The following ANKRD28 variants were observed in gnomAD, a reference collection of about 807,000 sequenced individuals.
ANKRD28 encodes the protein ankyrin repeat domain 28, also known as serine/threonine-protein phosphatase 6 regulatory ankyrin repeat subunit A.
Under a neutral mutation model 126.5 loss-of-function variants are expected in ANKRD28, and 44 were observed. The observed-to-expected ratio is 0.35, with a 90% confidence interval of 0.27 to 0.45. ANKRD28 has a LOEUF of 0.45. ANKRD28 is among the 20% of genes least tolerant of loss of function. ANKRD28 has a pLI of 1.00. For missense variants in ANKRD28, 1,110 were observed against 1,316.6 expected (o/e 0.84, Z 2.43); for synonymous variants, 442 against 468.5 (o/e 0.94, Z 0.73).
intron 14 of ANKRD28, among the ~76,000 whole-genome samples, 157 bp from the exon 15 acceptor site, chr3:15,696,402 C>G (rs1382813384): frequency 6.6e-6 from 1 of 152,070 alleles, no homozygotes; most frequent in East Asian, 1.9e-4. Flanking sequence ...TTAAATGACA[C>G]TGACTAAAGT....
chr3:15,768,465 A>G (rs973580144), intron 2 of ANKRD28, among the ~76,000 whole-genome samples: 3 of 152,114 alleles, frequency 2.0e-5, no homozygotes, highest in Non-Finnish European at 2.9e-5. Flanking sequence ...TGGGCAATAT[A>G]GTGAGACCTC....
At chr3:15,834,600 C>T (rs1293434592) in intron 1 of ANKRD28, among the ~76,000 whole-genome samples, 2 of 152,064 alleles carry the variant, frequency 1.3e-5, no homozygotes, top group African/African-American at 4.8e-5. Flanking sequence ...AGCTAATCAT[C>T]ATAAGGATTG....
chr3:15,769,356 G>T (rs1292442932), intron 2 of ANKRD28, among the ~76,000 whole-genome samples: 1 of 152,100 alleles, frequency 6.6e-6, no homozygotes, highest in East Asian at 1.9e-4. Flanking sequence ...TGAAAATTAG[G>T]TAATAAAATA....
At chr3:15,750,956 A>G (rs1261396843) in intron 4 of ANKRD28, among the ~76,000 whole-genome samples, 4 of 152,180 alleles carry the variant, frequency 2.6e-5, no homozygotes, top group Non-Finnish European at 4.4e-5. Context: ...ACTACTGTAA[A>G]GTAGGTAAAA....
intron 27 of ANKRD28, among the ~76,000 whole-genome samples, chr3:15,672,787 A>T (rs1372349626): frequency 1.3e-5 from 2 of 151,762 alleles, no homozygotes; most frequent in Non-Finnish European, 2.9e-5. Context: ...CATGGGGGTT[A>T]TTTTTTGAGA....
chr3:15,710,754 T>G (rs1439267633), intron 12 of ANKRD28, among the ~76,000 whole-genome samples: 1 of 152,104 alleles, frequency 6.6e-6, no homozygotes, highest in Non-Finnish European at 1.5e-5. Context: ...ATTTAAAACT[T>G]AGTCCAAAAT....
rs1284218091 is a variant in ANKRD28, at chr3:15,854,952, G to A, written c.27+4425C>T. Among the ~76,000 whole-genome samples the A allele has an allele frequency of 6.6e-6, 1 of 152,194 alleles. No homozygotes were observed. The highest frequency in any genetic ancestry group is 2.4e-5 in the African/African-American group (1 of 41,452). The stretch of plus-strand genomic sequence containing the variant: ...TAGTCCCAGCTACTAGGGAGGCTGA[G>A]GCAGGAGAATTGCTTGAACTAGGGA... On this transcript the variant is annotated intron_variant, in intron 1 of 27. Coordinates refer to the ANKRD28 transcript ENST00000399451. This position sits in a 1 kb window ranked among gnomAD's most constrained non-coding sequence, Gnocchi z 4.1.
At chr3:15,733,164 CAAACAA>C (rs1252016934) in intron 6 of ANKRD28, 2 of 152,138 alleles carry the variant, frequency 1.3e-5, no homozygotes, top group Admixed American at 6.6e-5. Context: ...GACTCTGTCT[CAAACAA>C]AAACAAAAAC....
chr3:15,691,332 C>A (rs1448991762), intron 17 of ANKRD28, among the ~76,000 whole-genome samples: 1 of 152,048 alleles, frequency 6.6e-6, no homozygotes, highest in East Asian at 1.9e-4. Flanking sequence ...ACCATGTTGG[C>A]CAGGATGGTC....
chr3:15,713,674 C>T, intron 9 of ANKRD28, 33 bp from the exon 10 acceptor site: 9 of 1,428,862 alleles, frequency 6.3e-6, no homozygotes, highest in Non-Finnish European at 7.7e-6. Context: ...AGACACTGGA[C>T]CATATAAAGA....
At chr3:15,811,814 T>C (rs1449728870) in intron 1 of ANKRD28, among the ~76,000 whole-genome samples, 3 of 152,014 alleles carry the variant, frequency 2.0e-5, no homozygotes, top group Non-Finnish European at 4.4e-5. Context: ...TGGTTTTCTA[T>C]AGATGCCATG....
At chr3:15,790,758 T>A (rs974622487) in intron 2 of ANKRD28, among the ~76,000 whole-genome samples, 1 of 152,088 alleles carries the variant, frequency 6.6e-6, no homozygotes, top group African/African-American at 2.4e-5. Flanking sequence ...TCACCACTGT[T>A]ATTTAACATA....
intron 6 of ANKRD28, chr3:15,732,773 T>TC (rs1401773342): frequency 6.6e-6 from 1 of 152,224 alleles, no homozygotes; most frequent in Non-Finnish European, 1.5e-5. Context: ...GCACGTTTTT[T>TC]CCCATTTGAG....
chr3:15,709,603 G>T, intron 13 of ANKRD28, 65 bp downstream of exon 13: 1 of 1,133,156 alleles, frequency 8.8e-7, no homozygotes, highest in Non-Finnish European at 1.3e-6. Flanking sequence ...TCAGAAGCCA[G>T]TTAGAAGGTC....
chr3:15,760,697 G>A (rs4287900), intron 3 of ANKRD28, among the ~76,000 whole-genome samples: 1 of 152,176 alleles, frequency 6.6e-6, no homozygotes, highest in Non-Finnish European at 1.5e-5. Context: ...ACAATGTAGA[G>A]AGACTATGAG....
intron 3 of ANKRD28, among the ~76,000 whole-genome samples, chr3:15,758,897 T>C (rs2058309525): frequency 6.6e-6 from 1 of 152,188 alleles, no homozygotes; most frequent in Non-Finnish European, 1.5e-5. Flanking sequence ...GTATTTTTTA[T>C]AAAAGGCCAA....
At chr3:15,683,105 T>C (rs2067711400) in intron 21 of ANKRD28, among the ~76,000 whole-genome samples, 1 of 152,160 alleles carries the variant, frequency 6.6e-6, no homozygotes, top group Non-Finnish European at 1.5e-5. Flanking sequence ...CAAAGGACAG[T>C]TACAGCAGTA....
At position 15,796,645 on chromosome 3, in the gene ANKRD28, T is replaced by TTA; in HGVS notation, c.-125_-124insTA. 1 of 893,602 alleles carries TTA rather than the reference T, an allele frequency of 1.1e-6. No homozygotes were observed. Among genetic ancestry groups the TTA allele is most frequent in the Non-Finnish European group, 1.3e-6 (1 of 768,036 alleles). 55.4% of individuals were successfully genotyped at this position (893,602 alleles called of 1,614,324 possible). ...CATTCTCTGAACAGCACAGCTGGGT[T>TTA]TTTTTTTTTTTTAAAGTTAATAAGT... is the stretch of plus-strand genomic sequence containing the variant. On this transcript the variant is annotated 5_prime_UTR_variant, in exon 1 of 28. Transcript: ENST00000683139.
chr3:15,749,095 G>GTGTTTTTTT (rs2057684713), intron 4 of ANKRD28, among the ~76,000 whole-genome samples: 1 of 106,994 alleles, frequency 9.3e-6, no homozygotes, highest in East Asian at 3.3e-4. Flanking sequence ...TCTATATTAT[G>GTGTTTTTTT]TTTTTGTTTT....
Sources: gnomAD v4.1 joint callset for allele counts (sites outside exome capture counted in the v4.1 genomes callset) on GRCh38, gnomAD v4.1.1 for gene constraint, Gnocchi (gnomAD v3.1) non-coding constraint, MANE v1.5 for transcripts, NCBI Gene and HGNC (gene_info 2026-07-23, HGNC 2026-07-21) for gene names.